Variants in NOX4 observed in about 807,000 individuals in gnomAD.
NOX4 encodes NADPH oxidase 4.
A neutral mutation model predicts 87.6 loss-of-function variants in NOX4; 69 were observed. That is an observed-to-expected ratio of 0.79 (90% CI 0.65 to 0.96). The LOEUF is 0.96. Among genes scored for constraint, NOX4 ranks in the 40% least tolerant of loss-of-function variants. NOX4 has a pLI of 0.00. For missense variants in NOX4, 680 were observed against 681.5 expected, an observed-to-expected ratio of 1.00 and a Z score of 0.02; for synonymous variants, 275 against 238.2, an observed-to-expected ratio of 1.15 and a Z score of -1.42.
intron 8 of NOX4, among the ~76,000 whole-genome samples, chr11:89,405,750 AAG>A (rs1491059144): frequency 0.03 from 3,722 of 122,942 alleles, 152 homozygotes; most frequent in African/African-American, 0.11. Flanking sequence ...CTGGTTAAAA[AAG>A]AAAAAAAAAA....
intron 7 of NOX4, among the ~76,000 whole-genome samples, chr11:89,424,807 C>T (rs1391164812): frequency 6.6e-6 from 1 of 152,014 alleles, no homozygotes; most frequent in Non-Finnish European, 1.5e-5. Flanking sequence ...AGAAATCAAA[C>T]ACTGGGGACT....
At chr11:89,431,691 T>A (rs1263021979) in intron 7 of NOX4, among the ~76,000 whole-genome samples, 4 of 152,108 alleles carry the variant, frequency 2.6e-5, no homozygotes, top group Admixed American at 1.3e-4. Context: ...CATTAAAAAG[T>A]CAGGAAACAA....
chr11:89,472,901 C>A (rs1946008422), intron 2 of NOX4, among the ~76,000 whole-genome samples: 1 of 152,146 alleles, frequency 6.6e-6, no homozygotes. Flanking sequence ...ATACCTGTGA[C>A]CTCTACCAAG....
chr11:89,508,165 T>C, the NOX4 span, among the ~76,000 whole-genome samples: 1 of 152,096 alleles, frequency 6.6e-6, no homozygotes, highest in African/African-American at 2.4e-5. Context: ...AGAATCTTAA[T>C]ATCATACTGG....
At chr11:89,503,144 G>A (rs548999931), upstream of NOX4, among the ~76,000 whole-genome samples, 2 of 152,086 alleles carry the variant, frequency 1.3e-5, no homozygotes, top group East Asian at 3.9e-4. Flanking sequence ...ACAGGCACTT[G>A]TTAGCAAAAT....
the NOX4 span, among the ~76,000 whole-genome samples, chr11:89,562,832 T>G: frequency 6.6e-6 from 1 of 152,214 alleles, no homozygotes; most frequent in Non-Finnish European, 1.5e-5. Context: ...GCTCTGTGTC[T>G]CCAACCAAAT....
intron 7 of NOX4, among the ~76,000 whole-genome samples, chr11:89,431,987 G>A (rs1192988116): frequency 6.6e-6 from 1 of 152,160 alleles, no homozygotes; most frequent in Non-Finnish European, 1.5e-5. Context: ...TTAAGAATAT[G>A]TGGCACATAT....
At chr11:89,483,885 T>C (rs1397663520) in intron 2 of NOX4, among the ~76,000 whole-genome samples, 1 of 152,116 alleles carries the variant, frequency 6.6e-6, no homozygotes, top group Admixed American at 6.6e-5. Context: ...ATTTGTCAAT[T>C]AAAATTTTAT....
intron 8 of NOX4, among the ~76,000 whole-genome samples, chr11:89,410,057 A>AAAAATAAAAT (rs144473626): frequency 6.6e-6 from 1 of 150,504 alleles, no homozygotes; most frequent in East Asian, 2.0e-4. Flanking sequence ...CCATGTCTCA[A>AAAAATAAAAT]AAAATAAAAT....
chr11:89,579,125 G>C, the NOX4 span, among the ~76,000 whole-genome samples: 1 of 152,184 alleles, frequency 6.6e-6, no homozygotes, highest in Admixed American at 6.5e-5. Context: ...ATACTAAAAA[G>C]ATAATTGGTT....
rs759061650 is a variant in NOX4 at position 89,449,490 on chromosome 11, T to C, written c.299A>G (p.Lys100Arg). The C allele has an allele frequency of 6.2e-7, 1 of 1,612,520 alleles. No homozygotes were observed. The highest frequency in any genetic ancestry group is 1.1e-5 in the South Asian group (1 of 90,908). ...ACAGGTAATATGGAATGTTCTGCTT[T>C]TATCCAACAATCTCCTGGTTCTCCT... is the stretch of plus-strand genomic sequence containing the variant. ...PSRRTRRLLD[K>R]SRTFHITCGV... The change falls in exon 4 of 18, where the codon AAA (lysine) becomes AGA (arginine). Residue 100 changes from lysine (K) to arginine (R), a missense_variant. By Grantham distance (26) the Lys-to-Arg change is conservative (BLOSUM62 2). Coordinates refer to ENST00000263317, the MANE Select transcript of NOX4 (RefSeq NM_016931.5).
chr11:89,558,070 C>A, the NOX4 span, among the ~76,000 whole-genome samples: 1 of 152,114 alleles, frequency 6.6e-6, no homozygotes. Context: ...GTACAGATCT[C>A]TTGCTTCCTG....
chr11:89,503,479 T>C, the NOX4 span, among the ~76,000 whole-genome samples: 1 of 151,988 alleles, frequency 6.6e-6, no homozygotes, highest in Admixed American at 6.6e-5. Context: ...GATGATCAAA[T>C]TACATTTCCT....
chr11:89,349,171 C>T (rs1424019111), intron 13 of NOX4, among the ~76,000 whole-genome samples: 2 of 151,970 alleles, frequency 1.3e-5, no homozygotes, highest in East Asian at 3.9e-4. Context: ...CCTGTAAACC[C>T]TTCTACTCAG....
chr11:89,476,989 T>C lies in NOX4; in HGVS notation c.153+13469A>G, dbSNP rs562210683. Among the ~76,000 whole-genome samples the C allele has an allele frequency of 2.0e-5, 3 of 152,178 alleles. No homozygotes were observed. In the South Asian group the frequency reaches 6.2e-4, roughly 31 times the overall value. ...AAGACTGCTATTGTAAGGGGGAGAA[T>C]GCAGTGGTCCTCAACCTTTTTGGCA... On this transcript the variant is annotated intron_variant, in intron 2 of 17. Coordinates refer to ENST00000263317, the MANE Select transcript of NOX4 (RefSeq NM_016931.5).
At chr11:89,441,987 T>TA (rs1944478380) in intron 5 of NOX4, among the ~76,000 whole-genome samples, 4 of 148,002 alleles carry the variant, frequency 2.7e-5, no homozygotes, top group Admixed American at 2.0e-4. Flanking sequence ...TATATAAATA[T>TA]ATCAATATAT....
At chr11:89,525,905 G>GA in the NOX4 span, among the ~76,000 whole-genome samples, 1 of 152,012 alleles carries the variant, frequency 6.6e-6, no homozygotes, top group African/African-American at 2.4e-5. Context: ...ATGAGGTCAA[G>GA]ATTGATGTTC....
intron 15 of NOX4, among the ~76,000 whole-genome samples, chr11:89,339,058 T>C (rs892837439): frequency 6.6e-6 from 1 of 152,156 alleles, no homozygotes; most frequent in African/African-American, 2.4e-5. Flanking sequence ...TTCAGATTGA[T>C]AGTAAGCAGT....
Position 89,350,732 on chromosome 11 carries a change from GA to G in NOX4, c.1217+4229del, listed in dbSNP as rs201557577. On this transcript the variant is annotated intron_variant, in intron 13 of 17. Coordinates refer to ENST00000263317, the MANE Select transcript of NOX4 (RefSeq NM_016931.5). Reference sequence around the variant, plus strand: ...GTTTGACTCACCTTTCAACTTTACAGAATTTTTTTTATGTTACAAAGCTACA... The same window carrying G: ...GTTTGACTCACCTTTCAACTTTACAGATTTTTTTTATGTTACAAAGCTACA... Among the ~76,000 whole-genome samples, 899 of 152,226 alleles carry G rather than the reference GA, an allele frequency of 5.9e-3. 7 individuals are homozygous for G. The highest frequency in any genetic ancestry group is 0.021 in the African/African-American group (857 of 41,556).
Sources: allele counts gnomAD v4.1 joint callset (sites outside exome capture counted in the v4.1 genomes callset), GRCh38; gene constraint gnomAD v4.1.1; transcripts MANE v1.5; gene names NCBI Gene and HGNC (gene_info 2026-07-23, HGNC 2026-07-21).